Variants in KNTC1 observed in about 807,000 individuals in gnomAD.
KNTC1 encodes kinetochore-associated protein 1.
KNTC1 carries 253 observed loss-of-function variants against 314.4 expected under a neutral mutation model. The observed-to-expected ratio is 0.80, with a 90% CI of 0.73 to 0.89. The LOEUF (loss-of-function observed/expected upper bound fraction) is 0.89. Ranked by LOEUF, KNTC1 falls within the 40% of genes least tolerant of loss-of-function variation. The pLI is 0.00. For missense variants in KNTC1, 2,475 were observed against 2,572.9 expected, an observed-to-expected ratio of 0.96 and a Z score of 0.82; for synonymous variants, 901 against 901.4, an observed-to-expected ratio of 1.00 and a Z score of 0.01.
At position 122,542,091 on chromosome 12, in the gene KNTC1, T is replaced by C; in HGVS notation, c.487T>C (p.Cys163Arg). Residue 163 changes from cysteine to arginine, a missense_variant, in exon 6 of 64, where the codon TGT (cysteine) becomes CGT (arginine). Cys to Arg is a radical substitution (Grantham distance 180). Coordinates refer to ENST00000333479, the MANE Select transcript of KNTC1 (RefSeq NM_014708.6). ...ACTTCTTACATACAGTGGATTTTTT[T>C]GTATTACAAACCTTCAGCTTTTAAA... is the stretch of plus-strand genomic sequence containing the variant. ...MLLLTYSGFF[C>R]ITNLQLLKIQ... The C allele has an allele frequency of 6.5e-7, 1 of 1,540,240 alleles. No individual in the cohort carries two copies. Among genetic ancestry groups the C allele is most frequent in the South Asian group, 1.2e-5 (1 of 85,476 alleles).
chr12:122,557,549 C>T lies in KNTC1; in HGVS notation c.1398+40C>T, dbSNP rs748077226. ...TCACATACTACAGTATTTAGATTGA[C>T]GTGTTGATCAACATTAGGTTGCCTT... On this transcript the variant is annotated intron_variant, in intron 17 of 63. Transcript: ENST00000333479. 65 of 1,610,932 alleles carry T rather than the reference C, an allele frequency of 4.0e-5. No individual in the cohort carries two copies. The South Asian group carries it at 5.7e-4, about 14-fold the overall frequency.
intron 53 of KNTC1, 30 bp downstream of exon 53, chr12:122,610,930 T>A (rs762498317): frequency 1.4e-6 from 2 of 1,470,450 alleles, no homozygotes; most frequent in South Asian, 2.3e-5. Context: ...TCCAAACTCT[T>A]CTGTGCATCT....
At chr12:122,570,004 A>T (rs780098740) in intron 22 of KNTC1, among the ~76,000 whole-genome samples, 180 bp downstream of exon 22, 4 of 152,206 alleles carry the variant, frequency 2.6e-5, no homozygotes, top group Non-Finnish European at 5.9e-5. Flanking sequence ...CATTTGCAAC[A>T]ATATAGATGG....
rs1873176085 is a variant in KNTC1, at chr12:122,611,938, T to C, written c.5622+1038T>C. On this transcript the variant is annotated intron_variant, in intron 53 of 63. Coordinates refer to ENST00000333479, the MANE Select transcript of KNTC1 (RefSeq NM_014708.6). ...GTGGATTTTTTTTTTTTCTTGAGTA[T>C]TTTTGATCCACTGTTGGTTGATTCC... is the stretch of plus-strand genomic sequence containing the variant. Among the ~76,000 whole-genome samples, 3 of 152,062 alleles carry C rather than the reference T, an allele frequency of 2.0e-5. No homozygotes were observed. The South Asian group carries it at 6.2e-4, about 31-fold the overall frequency.
At chr12:122,545,950 TA>T (rs11463721) in intron 8 of KNTC1, among the ~76,000 whole-genome samples, 79 of 145,112 alleles carry the variant, frequency 5.4e-4, no homozygotes, top group Admixed American at 1.8e-3. Flanking sequence ...TGTCTCAAAT[TA>T]AAAAAAAAAA....
chr12:122,582,789 C>T lies in KNTC1; in HGVS notation c.3067C>T (p.His1023Tyr). Residue 1023 changes from histidine (H) to tyrosine (Y), a missense_variant, in exon 34 of 64, where the codon CAC (histidine) becomes TAC (tyrosine). Coordinates refer to ENST00000333479, the MANE Select transcript of KNTC1 (RefSeq NM_014708.6). ...TCTCCGTGAGCAGCACATTAAAGCT[C>T]ACGAAGTTGCACAGGCGAAACACAA... is the stretch of plus-strand genomic sequence containing the variant. The part of the protein sequence containing the change: ...ADLREQHIKA[H>Y]EVAQAKHKPG... 6.2e-7 allele frequency: 1 copy of T among 1,612,704 alleles called. No individual in the cohort carries two copies. Among genetic ancestry groups the T allele is most frequent in the Non-Finnish European group, 8.5e-7 (1 of 1,179,424 alleles).
At chr12:122,618,461 G>GC in intron 58 of KNTC1, 21 bp from the exon 59 acceptor site, 1 of 1,558,956 alleles carries the variant, frequency 6.4e-7, no homozygotes, top group Non-Finnish European at 8.8e-7. Flanking sequence ...TATCATGGTT[G>GC]TTTTTTTGTT....
chr12:122,620,674 C>G (rs141831378), intron 60 of KNTC1, 66 bp downstream of exon 60: 2 of 1,531,732 alleles, frequency 1.3e-6, no homozygotes, highest in Admixed American at 1.9e-5. Context: ...ATGTCCCTTG[C>G]AAAAGGTCGC....
At chr12:122,594,960 G>A (rs958406961) in intron 43 of KNTC1, among the ~76,000 whole-genome samples, 1 of 152,040 alleles carries the variant, frequency 6.6e-6, no homozygotes, top group African/African-American at 2.4e-5. Flanking sequence ...TCAGCTCACC[G>A]CAGCCTCCAC....
chr12:122,605,240 C>A, intron 50 of KNTC1, 66 bp from the exon 51 acceptor site: 1 of 1,128,952 alleles, frequency 8.9e-7, no homozygotes, highest in South Asian at 1.4e-5. Context: ...TACACATACA[C>A]ATATAAGTAT....
At chr12:122,575,192 T>C (rs1280807311) in intron 27 of KNTC1, among the ~76,000 whole-genome samples, 1 of 151,812 alleles carries the variant, frequency 6.6e-6, no homozygotes, top group Non-Finnish European at 1.5e-5. Context: ...ACCCAGGAGG[T>C]GGAGGTTGCA....
chr12:122,534,819 T>C, intron 3 of KNTC1, 35 bp downstream of exon 3: 1 of 1,596,514 alleles, frequency 6.3e-7, no homozygotes, highest in East Asian at 2.2e-5. Context: ...TAAGATAAAT[T>C]GGAAGTCAAA....
intron 18 of KNTC1, among the ~76,000 whole-genome samples, chr12:122,559,987 A>G (rs7963044): frequency 0.011 from 1,608 of 152,192 alleles, 29 homozygotes; most frequent in African/African-American, 0.037. Context: ...CTGCCCATTA[A>G]ACACAGACTT....
chr12:122,605,000 G>A lies in KNTC1; in HGVS notation c.5299G>A (p.Gly1767Arg), dbSNP rs757403061. ...LNTEEYLRVI[G>R]KPAHLIVSLY... ...CACTGAGGAATATTTAAGAGTGATC[G>A]GAAAGCCAGCACATCTTATTGTCAG... The change falls in exon 50 of 64, where the codon GGA becomes AGA. Residue 1767 changes from glycine (G) to arginine (R), a missense_variant. Transcript: ENST00000333479. 10 of 1,613,178 alleles carry A rather than the reference G, an allele frequency of 6.2e-6. No homozygotes were observed. Among genetic ancestry groups the A allele is most frequent in the Admixed American group, 1.7e-5 (1 of 59,936 alleles).
At chr12:122,554,062 C>CT in intron 16 of KNTC1, among the ~76,000 whole-genome samples, 2 of 81,046 alleles carry the variant, frequency 2.5e-5, no homozygotes, top group Middle Eastern at 5.8e-3. Flanking sequence ...AGAATACTTC[C>CT]TTAAAAAAAA....
At chr12:122,564,821 TA>T (rs1439473207) in intron 20 of KNTC1, among the ~76,000 whole-genome samples, 12 of 152,322 alleles carry the variant, frequency 7.9e-5, no homozygotes, top group African/African-American at 2.9e-4. Context: ...GTCAGATTCT[TA>T]CCATATCTTC....
chr12:122,588,850 T>G (rs745948710), intron 40 of KNTC1, 34 bp downstream of exon 40: 9 of 1,175,652 alleles, frequency 7.7e-6, no homozygotes, highest in East Asian at 6.0e-5. Flanking sequence ...ATTTTGTTTG[T>G]TTTTTTTTTG....
intron 57 of KNTC1, among the ~76,000 whole-genome samples, chr12:122,617,972 T>C (rs1199711569): frequency 1.3e-5 from 2 of 152,212 alleles, no homozygotes; most frequent in Non-Finnish European, 2.9e-5. Context: ...CATTATCTAA[T>C]TTCAGAACAT....
chr12:122,539,820 C>A, intron 5 of KNTC1, 66 bp downstream of exon 5: 1 of 1,092,902 alleles, frequency 9.1e-7, no homozygotes, highest in South Asian at 1.5e-5. Flanking sequence ...CTCCCTTTGT[C>A]GCCCAGGCTG....
Sources: gnomAD v4.1 joint callset for allele counts (sites outside exome capture counted in the v4.1 genomes callset) on GRCh38, gnomAD v4.1.1 for gene constraint, MANE v1.5 for transcripts, NCBI Gene and HGNC (gene_info 2026-07-23, HGNC 2026-07-21) for gene names.